Variants in KIAA0319L observed in about 807,000 individuals in gnomAD.
The protein encoded by KIAA0319L is dyslexia-associated protein KIAA0319-like protein.
Under a neutral mutation model 120.1 loss-of-function variants are expected in KIAA0319L, and 55 were observed. The observed-to-expected ratio is 0.46, with a 90% CI of 0.37 to 0.57. The LOEUF (loss-of-function observed/expected upper bound fraction) is 0.57, where lower values mean the gene tolerates loss of function less well. KIAA0319L is among the 20% of genes least tolerant of loss of function. KIAA0319L has a pLI of 0.00. For missense variants in KIAA0319L, 1,049 were observed against 1,255.3 expected (o/e 0.84, Z 2.48); for synonymous variants, 398 against 471.9 (o/e 0.84, Z 2.03).
chr1:35,437,181 A>G lies in KIAA0319L; in HGVS notation c.2963-2100T>C, dbSNP rs180942676. Among the ~76,000 whole-genome samples the G allele has an allele frequency of 6.6e-6, 1 of 152,034 alleles. No individual in the cohort carries two copies. Among genetic ancestry groups the G allele is most frequent in the Admixed American group, 6.5e-5 (1 of 15,286 alleles). Reference sequence around the variant, plus strand: ...CACCCCATGGCTCTCCCCTCTCCCTAAGATGTCCGATGTGCTGAGCTCAGG... The same window carrying G: ...CACCCCATGGCTCTCCCCTCTCCCTGAGATGTCCGATGTGCTGAGCTCAGG... On this transcript the variant is annotated intron_variant, in intron 20 of 20. Coordinates refer to ENST00000325722, the MANE Select transcript of KIAA0319L (RefSeq NM_024874.5). This position sits in a 1 kb window ranked among gnomAD's most constrained non-coding sequence, Gnocchi z 4.1.
At chr1:35,525,022 G>A (rs1197368819) in intron 2 of KIAA0319L, among the ~76,000 whole-genome samples, 1 of 151,940 alleles carries the variant, frequency 6.6e-6, no homozygotes. Flanking sequence ...ATCCTTCCCA[G>A]CTTCAGTTAA....
chr1:35,480,777 T>C (rs1437422594), intron 3 of KIAA0319L, among the ~76,000 whole-genome samples: 1 of 151,550 alleles, frequency 6.6e-6, no homozygotes, highest in African/African-American at 2.4e-5. Context: ...AGAGTGAAAC[T>C]CTTGTCTCAA....
chr1:35,486,544 CTT>C (rs561377523), intron 3 of KIAA0319L, among the ~76,000 whole-genome samples: 46 of 152,000 alleles, frequency 3.0e-4, no homozygotes, highest in Admixed American at 7.2e-4. Flanking sequence ...TGTAAGCCCT[CTT>C]GTTTCTATTT....
chr1:35,542,918 G>A (rs1646844933), intron 2 of KIAA0319L, among the ~76,000 whole-genome samples: 1 of 152,100 alleles, frequency 6.6e-6, no homozygotes, highest in Non-Finnish European at 1.5e-5. Flanking sequence ...AAATTGAGTT[G>A]GATTTACTGC....
intron 8 of KIAA0319L, among the ~76,000 whole-genome samples, chr1:35,461,693 T>C (rs143644736): frequency 1.3e-5 from 2 of 152,216 alleles, no homozygotes; most frequent in Non-Finnish European, 2.9e-5. Flanking sequence ...TTTCACTGTA[T>C]ACATTTGCAT....
At chr1:35,496,747 C>T (rs977515707) in intron 3 of KIAA0319L, among the ~76,000 whole-genome samples, 5 of 151,962 alleles carry the variant, frequency 3.3e-5, no homozygotes, top group Non-Finnish European at 5.9e-5. Flanking sequence ...AGTTTGAGAC[C>T]AGCCTGGCCA....
chr1:35,461,063 T>C (rs540342664), intron 8 of KIAA0319L, among the ~76,000 whole-genome samples: 7 of 152,282 alleles, frequency 4.6e-5, no homozygotes, highest in Admixed American at 2.0e-4. Context: ...TCAATAGAGA[T>C]TGACTGAAAA....
At chr1:35,524,542 C>G (rs1201632018) in intron 2 of KIAA0319L, among the ~76,000 whole-genome samples, 1 of 152,172 alleles carries the variant, frequency 6.6e-6, no homozygotes, top group Non-Finnish European at 1.5e-5. Flanking sequence ...ACTCTCCCTA[C>G]TTGACTGTAC....
intron 15 of KIAA0319L, 134 bp downstream of exon 15, chr1:35,449,733 G>T: frequency 1.1e-6 from 1 of 914,342 alleles, no homozygotes; most frequent in Non-Finnish European, 1.7e-6. Context: ...TTTTCAGCTT[G>T]GGGTTTCTCG....
At chr1:35,470,327 T>C (rs1643538043) in intron 6 of KIAA0319L, among the ~76,000 whole-genome samples, 1 of 151,704 alleles carries the variant, frequency 6.6e-6, no homozygotes, top group African/African-American at 2.4e-5. Flanking sequence ...ACTCTATCTC[T>C]ATAAAAAATA....
At position 35,527,842 on chromosome 1, in the gene KIAA0319L, CT is replaced by C. The variant is rs146256691; in HGVS notation, c.143-20708del. Among the ~76,000 whole-genome samples, 4 of 150,944 alleles carry C rather than the reference CT, an allele frequency of 2.6e-5. No individual in the cohort carries two copies. The South Asian group carries it at 6.3e-4, about 24-fold the overall frequency. On this transcript the variant is annotated intron_variant, in intron 2 of 20. Transcript: ENST00000325722. The stretch of plus-strand genomic sequence containing the variant: ...TTCTCATTAAACCAACTTTTCATTT[CT>C]TTTTTTTTATTTCTTAGTCTCTATT...
At chr1:35,499,855 G>T (rs1338476522) in intron 3 of KIAA0319L, among the ~76,000 whole-genome samples, 1 of 151,622 alleles carries the variant, frequency 6.6e-6, no homozygotes, top group African/African-American at 2.4e-5. Context: ...GCACTGCTTA[G>T]GTTTCTGTCA....
Position 35,470,977 on chromosome 1 carries a change from AC to A in KIAA0319L, c.1016-18del. 1 of 1,469,096 alleles carries A rather than the reference AC, an allele frequency of 6.8e-7. No homozygotes were observed. Among genetic ancestry groups the A allele is most frequent in the Non-Finnish European group, 9.5e-7 (1 of 1,047,892 alleles). 91.0% of individuals were successfully genotyped at this position (1,469,096 alleles called of 1,614,324 possible). On this transcript the variant is annotated intron_variant, in intron 5 of 20. Coordinates refer to ENST00000325722, the MANE Select transcript of KIAA0319L (RefSeq NM_024874.5). ...AGGTTTCTCCTATAGAAGGGCAGTT[AC>A]AAAAATCATGAAAACACACACCAAC...
Position 35,437,021 on chromosome 1 carries a change from G to A in KIAA0319L, c.2963-1940C>T, listed in dbSNP as rs1487796636. On this transcript the variant is annotated intron_variant, in intron 20 of 20. Coordinates refer to ENST00000325722, the MANE Select transcript of KIAA0319L (RefSeq NM_024874.5). This position sits in a 1 kb window ranked among gnomAD's most constrained non-coding sequence, Gnocchi z 4.1. Reference sequence around the variant, plus strand: ...GCCCAGAACAAGAACCAGTGCTTCCGGCCTGCTCAGACCCACACCGAACCT... The same window carrying A: ...GCCCAGAACAAGAACCAGTGCTTCCAGCCTGCTCAGACCCACACCGAACCT... 6.6e-6 allele frequency among the ~76,000 whole-genome samples: 1 copy of A among 152,132 alleles called. No homozygotes were observed. Among genetic ancestry groups the A allele is most frequent in the Non-Finnish European group, 1.5e-5 (1 of 68,006 alleles).
chr1:35,519,880 T>C (rs1351833135), intron 2 of KIAA0319L, among the ~76,000 whole-genome samples: 2 of 152,190 alleles, frequency 1.3e-5, no homozygotes, highest in Admixed American at 6.5e-5. Context: ...AGCACTGATA[T>C]TCTCCACTCC....
intron 20 of KIAA0319L, among the ~76,000 whole-genome samples, chr1:35,435,935 C>A (rs1340119785): frequency 6.6e-6 from 1 of 152,164 alleles, no homozygotes; most frequent in Non-Finnish European, 1.5e-5. Context: ...GTGGGAGCTG[C>A]CAACAGGTGG....
chr1:35,553,331 C>G (rs1157928098), intron 2 of KIAA0319L, among the ~76,000 whole-genome samples: 1 of 151,000 alleles, frequency 6.6e-6, no homozygotes, highest in East Asian at 2.0e-4. Flanking sequence ...AGTCAGCTGT[C>G]CCAGCAAAGC....
chr1:35,484,802 A>T (rs1553205307), intron 3 of KIAA0319L, among the ~76,000 whole-genome samples: 3,012 of 13,882 alleles, frequency 0.22, 85 homozygotes, highest in East Asian at 0.31. Context: ...ATATATATAT[A>T]TATATTTTTT....
chr1:35,527,889 CTTCA>C (rs147433145), intron 2 of KIAA0319L, among the ~76,000 whole-genome samples: 21,269 of 143,182 alleles, frequency 0.15, 2,908 homozygotes, highest in East Asian at 0.53. Context: ...CTGCTCTGAT[CTTCA>C]TTATTTCCTT....
Sources: allele counts gnomAD v4.1 joint callset (sites outside exome capture counted in the v4.1 genomes callset), GRCh38; gene constraint gnomAD v4.1.1; non-coding constraint Gnocchi (gnomAD v3.1); transcripts MANE v1.5; gene names NCBI Gene and HGNC (gene_info 2026-07-23, HGNC 2026-07-21).